Variants in FNIP1 observed in about 807,000 individuals in gnomAD.
FNIP1 encodes the protein folliculin interacting protein 1.
In FNIP1, 40 loss-of-function variants were observed where a neutral mutation model predicts 124.5. The observed-to-expected ratio is 0.32, with a 90% CI of 0.25 to 0.42. FNIP1 has a LOEUF of 0.42. FNIP1 is among the 10% of genes least tolerant of loss of function. FNIP1 has a pLI of 1.00. For missense variants in FNIP1, 1,176 were observed against 1,403.7 expected (o/e 0.84, Z 2.59); for synonymous variants, 472 against 470.6 (o/e 1.00, Z -0.04).
intron 2 of FNIP1, among the ~76,000 whole-genome samples, chr5:131,735,724 G>A (rs1159010539): frequency 6.6e-6 from 1 of 150,640 alleles, no homozygotes; most frequent in African/African-American, 2.4e-5. Flanking sequence ...CTGTATCCTT[G>A]AGCAAGTTAA....
intron 10 of FNIP1, among the ~76,000 whole-genome samples, chr5:131,699,860 G>A (rs1768832719): frequency 7.5e-6 from 1 of 133,894 alleles, no homozygotes; most frequent in African/African-American, 2.7e-5. Context: ...AAGTTGCAGT[G>A]AGCTGAGATC....
intron 8 of FNIP1, among the ~76,000 whole-genome samples, chr5:131,707,368 C>T (rs568851844): frequency 6.6e-6 from 1 of 152,288 alleles, no homozygotes; most frequent in Admixed American, 6.5e-5. Context: ...ATCATAAGCA[C>T]ATACTGAAAA....
intron 1 of FNIP1, among the ~76,000 whole-genome samples, chr5:131,749,293 T>G (rs182846636): frequency 6.6e-6 from 1 of 152,210 alleles, no homozygotes; most frequent in East Asian, 1.9e-4. Flanking sequence ...TCACAGTCAC[T>G]GACTACTCAC....
intron 11 of FNIP1, among the ~76,000 whole-genome samples, chr5:131,693,205 CA>C (rs1409082956): frequency 7.0e-6 from 1 of 143,266 alleles, no homozygotes; most frequent in African/African-American, 2.6e-5. Context: ...CATGTGTACA[CA>C]TATCAAAACA....
chr5:131,769,650 G>C (rs909563026), intron 1 of FNIP1, among the ~76,000 whole-genome samples: 2 of 152,178 alleles, frequency 1.3e-5, no homozygotes, highest in Admixed American at 6.5e-5. Flanking sequence ...CTTAATCCCA[G>C]CAATGGAACC....
chr5:131,718,053 G>A (rs1396226115), intron 5 of FNIP1, among the ~76,000 whole-genome samples: 3 of 151,240 alleles, frequency 2.0e-5, no homozygotes, highest in Non-Finnish European at 4.4e-5. Context: ...TCAGCCGGGC[G>A]TGGTGGCCTG....
intron 11 of FNIP1, among the ~76,000 whole-genome samples, chr5:131,698,160 CAAG>C (rs751140545): frequency 5.3e-5 from 8 of 152,012 alleles, no homozygotes; most frequent in Non-Finnish European, 7.4e-5. Flanking sequence ...TGCACTTGCC[CAAG>C]ATCACCAGAG....
At chr5:131,645,516 CCAT>C (rs1037794976) in intron 17 of FNIP1, among the ~76,000 whole-genome samples, 8 of 151,822 alleles carry the variant, frequency 5.3e-5, no homozygotes, top group African/African-American at 1.9e-4. Flanking sequence ...AAATCAGATA[CCAT>C]TTTTTAGATA....
chr5:131,746,282 C>A (rs1359491484), intron 1 of FNIP1, among the ~76,000 whole-genome samples: 1 of 152,086 alleles, frequency 6.6e-6, no homozygotes, highest in African/African-American at 2.4e-5. Flanking sequence ...TTTATAATTT[C>A]AACTTTTAAA....
At chr5:131,784,581 G>A (rs1260098301) in intron 1 of FNIP1, among the ~76,000 whole-genome samples, 1 of 152,072 alleles carries the variant, frequency 6.6e-6, no homozygotes, top group Non-Finnish European at 1.5e-5. Flanking sequence ...AGCACTTTGG[G>A]AGGCCAAAAT....
At chr5:131,739,047 C>T (rs1430467407) in intron 2 of FNIP1, among the ~76,000 whole-genome samples, 1 of 151,998 alleles carries the variant, frequency 6.6e-6, no homozygotes, top group African/African-American at 2.4e-5. Context: ...AACACCTGGC[C>T]TCAAGTAATT....
At chr5:131,752,545 A>AG (rs1282923108) in intron 1 of FNIP1, among the ~76,000 whole-genome samples, 2 of 151,604 alleles carry the variant, frequency 1.3e-5, no homozygotes, top group African/African-American at 2.4e-5. Flanking sequence ...ATCTAAAAAA[A>AG]AAAAAAAAGA....
chr5:131,652,401 C>G (rs1252177510), intron 15 of FNIP1, among the ~76,000 whole-genome samples: 1 of 152,208 alleles, frequency 6.6e-6, no homozygotes, highest in Non-Finnish European at 1.5e-5. Flanking sequence ...TGTAGCCAGG[C>G]TGGAGTGCAG....
At chr5:131,645,994 A>G (rs989405961) in intron 17 of FNIP1, among the ~76,000 whole-genome samples, 6 of 152,196 alleles carry the variant, frequency 3.9e-5, no homozygotes, top group Non-Finnish European at 8.8e-5. Flanking sequence ...CTTACTTTTC[A>G]TTGTATGCCA....
At chr5:131,724,832 A>G (rs1443959797) in intron 3 of FNIP1, among the ~76,000 whole-genome samples, 1 of 152,128 alleles carries the variant, frequency 6.6e-6, no homozygotes, top group East Asian at 1.9e-4. Flanking sequence ...TTATGGTTTT[A>G]GGTCTTACGT....
In FNIP1 at chr5:131,642,286, T is replaced by G. The variant is rs1328515726; in HGVS notation, c.*2399A>C. 1 of 152,680 alleles carries G rather than the reference T, an allele frequency of 6.5e-6. No homozygotes were observed. The highest frequency in any genetic ancestry group is 6.5e-5 in the Admixed American group (1 of 15,268). The allele number at this position is 152,680 out of a possible 1,614,324, so 9.5% of individuals were successfully genotyped here. ...GAAAGAATGACTATGGTGAAGGTAA[T>G]AGAAATTATAGAAGGATTAGGAATT... On this transcript the variant is annotated 3_prime_UTR_variant, in exon 18 of 18. Transcript: ENST00000510461.
rs190742927 is a variant in FNIP1, at chr5:131,783,973, C to T, written c.92+12857G>A. Among the ~76,000 whole-genome samples the T allele has an allele frequency of 9.5e-4, 143 of 150,826 alleles. 1 individual carries two copies. In the South Asian group the frequency reaches 0.013, roughly 14 times the overall value. ...CAGGAATAATCCAAAGAGGAAGAAG[C>T]CATGGAAGCCAGTCAATGGGTAATC... On this transcript the variant is annotated intron_variant, in intron 1 of 17. Transcript: ENST00000510461.
At chr5:131,653,760 G>A (rs998307371) in intron 15 of FNIP1, among the ~76,000 whole-genome samples, 4 of 151,910 alleles carry the variant, frequency 2.6e-5, no homozygotes, top group African/African-American at 9.7e-5. Context: ...ATTTTTTTCA[G>A]ACAGTCTCAC....
Position 131,710,496 on chromosome 5 carries a change from A to G in FNIP1, c.706+82T>C, listed in dbSNP as rs577654322. On this transcript the variant is annotated intron_variant, in intron 7 of 17. Transcript: ENST00000510461. ...ACAACCTCACCAACTGCATTCATCT[A>G]CTCTCTTGTTTCCACAGCTTAACTA... 1.4e-4 allele frequency: 185 copies of G among 1,289,308 alleles called. 2 individuals are homozygous for G. In the African/African-American group the frequency reaches 2.2e-3, roughly 15 times the overall value. 79.9% of individuals were successfully genotyped at this position (1,289,308 alleles called of 1,614,324 possible). A position where few individuals can be genotyped will look rare whatever the true frequency, so the allele number is the denominator to read the frequency against.
Sources: gnomAD v4.1 joint callset for allele counts (sites outside exome capture counted in the v4.1 genomes callset) on GRCh38, gnomAD v4.1.1 for gene constraint, MANE v1.5 for transcripts, NCBI Gene and HGNC (gene_info 2026-07-23, HGNC 2026-07-21) for gene names.